DENND1A: variants seen among roughly 807,000 people sequenced by gnomAD.
DENND1A encodes the protein DENN domain-containing protein 1A.
A neutral mutation model predicts 113.7 loss-of-function variants in DENND1A; 51 were observed. The observed-to-expected ratio is 0.45, with a 90% CI of 0.36 to 0.57. The LOEUF is 0.57. Among genes scored for constraint, DENND1A ranks in the 20% least tolerant of loss-of-function variants. The probability of loss-of-function intolerance (pLI) is 0.00; values close to 1 mark genes in which losing one functional copy is unlikely to be tolerated. For synonymous variants in DENND1A, 565 were observed against 570.8 expected, an observed-to-expected ratio of 0.99 and a Z score of 0.14; for missense variants, 1,258 against 1,395.9, an observed-to-expected ratio of 0.90 and a Z score of 1.57.
intron 13 of DENND1A, among the ~76,000 whole-genome samples, chr9:123,478,286 C>T (rs1234759470): frequency 1.3e-5 from 2 of 152,166 alleles, no homozygotes; most frequent in African/African-American, 2.4e-5. Context: ...AGGCTTTTGG[C>T]GGTTGTTAGG....
chr9:123,776,088 AC>A (rs1257210475), intron 3 of DENND1A, among the ~76,000 whole-genome samples: 1 of 152,094 alleles, frequency 6.6e-6, no homozygotes, highest in African/African-American at 2.4e-5. Flanking sequence ...TTCCCCTGCC[AC>A]CCCACAAAAT....
At chr9:123,551,820 C>A (rs1209724554) in intron 13 of DENND1A, among the ~76,000 whole-genome samples, 1 of 152,150 alleles carries the variant, frequency 6.6e-6, no homozygotes, top group Non-Finnish European at 1.5e-5. Flanking sequence ...GCCTCCCCAA[C>A]AAACCCGCAG....
chr9:123,495,572 C>G (rs1242753119), intron 13 of DENND1A, among the ~76,000 whole-genome samples: 1 of 152,150 alleles, frequency 6.6e-6, no homozygotes, highest in Non-Finnish European at 1.5e-5. Flanking sequence ...GGTCACAGCC[C>G]ATGATACTTC....
At chr9:123,867,247 G>GT (rs1298390153) in intron 2 of DENND1A, among the ~76,000 whole-genome samples, 4 of 151,898 alleles carry the variant, frequency 2.6e-5, no homozygotes, top group Non-Finnish European at 5.9e-5. Flanking sequence ...CTTCCTAAAG[G>GT]TTTTTTTAAA....
At chr9:123,597,265 AT>A in intron 11 of DENND1A, among the ~76,000 whole-genome samples, 1 of 152,360 alleles carries the variant, frequency 6.6e-6, no homozygotes, top group Non-Finnish European at 1.5e-5. Context: ...CCCCATAAAC[AT>A]GGCTTAGTGA....
chr9:123,905,055 A>G (rs1295511991), intron 1 of DENND1A, among the ~76,000 whole-genome samples: 2 of 152,086 alleles, frequency 1.3e-5, no homozygotes, highest in African/African-American at 2.4e-5. Flanking sequence ...CCAATATTCA[A>G]CATTCTTAAA....
intron 13 of DENND1A, among the ~76,000 whole-genome samples, chr9:123,532,050 G>T (rs2055365127): frequency 6.6e-6 from 1 of 152,182 alleles, no homozygotes; most frequent in Non-Finnish European, 1.5e-5. Context: ...TCTTGGCTAA[G>T]CTGGGGGCAA....
intron 7 of DENND1A, among the ~76,000 whole-genome samples, chr9:123,670,173 A>G (rs1428506525): frequency 6.6e-6 from 1 of 152,220 alleles, no homozygotes; most frequent in East Asian, 1.9e-4. Flanking sequence ...ATCATTTTGA[A>G]AAAACCTACA....
At chr9:123,674,741 T>C (rs1294792413) in intron 6 of DENND1A, among the ~76,000 whole-genome samples, 1 of 152,054 alleles carries the variant, frequency 6.6e-6, no homozygotes, top group Non-Finnish European at 1.5e-5. Flanking sequence ...AATAATCCAA[T>C]CTCCCATATG....
chr9:123,410,957 C>G (rs143155323), intron 20 of DENND1A, among the ~76,000 whole-genome samples: 1 of 152,128 alleles, frequency 6.6e-6, no homozygotes, highest in African/African-American at 2.4e-5. Flanking sequence ...CCAAGGAAAA[C>G]GACTCCACTG....
chr9:123,469,635 C>G (rs549265472), intron 13 of DENND1A, among the ~76,000 whole-genome samples: 1 of 152,176 alleles, frequency 6.6e-6, no homozygotes, highest in Non-Finnish European at 1.5e-5. Context: ...TGCATACTAG[C>G]GTAAGATTTT....
chr9:123,835,807 T>A (rs2132865670), intron 2 of DENND1A, among the ~76,000 whole-genome samples: 1 of 152,312 alleles, frequency 6.6e-6, no homozygotes, highest in African/African-American at 2.4e-5. Context: ...ACATTCTGAC[T>A]TCTGTTAGGT....
At position 123,462,525 on chromosome 9, in the gene DENND1A, G is replaced by A. The variant is rs147348181; in HGVS notation, c.994-4628C>T. On this transcript the variant is annotated intron_variant, in intron 13 of 23. Coordinates refer to ENST00000394215, the MANE Select transcript of DENND1A (RefSeq NM_001352964.2). ...TAAAATTGGAACCCTGGCCAGGCAC[G>A]GTGGCTCACGTCTGTAATCTCAGCA... is the stretch of plus-strand genomic sequence containing the variant. 1.3e-3 allele frequency among the ~76,000 whole-genome samples: 204 copies of A among 152,280 alleles called. 1 individual carries two copies. Among genetic ancestry groups the A allele is most frequent in the African/African-American group, 4.2e-3 (176 of 41,548 alleles).
At chr9:123,538,219 A>G (rs554509387) in intron 13 of DENND1A, among the ~76,000 whole-genome samples, 2 of 152,322 alleles carry the variant, frequency 1.3e-5, no homozygotes, top group East Asian at 3.9e-4. Context: ...GAATTTTCAT[A>G]TGGGAGAGAG....
At chr9:123,855,967 G>T (rs922100147) in intron 2 of DENND1A, among the ~76,000 whole-genome samples, 1 of 152,140 alleles carries the variant, frequency 6.6e-6, no homozygotes, top group Non-Finnish European at 1.5e-5. Flanking sequence ...AACCCGGGAG[G>T]CGGAGGTTGC....
chr9:123,598,152 A>G (rs1416348595), intron 11 of DENND1A, among the ~76,000 whole-genome samples: 1 of 152,174 alleles, frequency 6.6e-6, no homozygotes, highest in Non-Finnish European at 1.5e-5. Flanking sequence ...TGACACTGCC[A>G]AACCTTGATG....
chr9:123,390,363 C>G (rs1169292998), intron 21 of DENND1A, among the ~76,000 whole-genome samples: 2 of 152,358 alleles, frequency 1.3e-5, no homozygotes, highest in Non-Finnish European at 2.9e-5. Context: ...AGTGCTCCCC[C>G]TCTGGGCTCC....
chr9:123,582,048 T>C (rs183558405), intron 12 of DENND1A, among the ~76,000 whole-genome samples: 10 of 152,332 alleles, frequency 6.6e-5, no homozygotes, highest in East Asian at 3.9e-4. Context: ...TTTTGCTCAA[T>C]AGAACCCACA....
chr9:123,857,282 A>C (rs1439195681), intron 2 of DENND1A, among the ~76,000 whole-genome samples: 2 of 152,356 alleles, frequency 1.3e-5, no homozygotes, highest in South Asian at 4.1e-4. Context: ...GAGCCCTTCA[A>C]GTTGGCTCCT....
Sources: gnomAD v4.1 joint callset for allele counts (sites outside exome capture counted in the v4.1 genomes callset) on GRCh38, gnomAD v4.1.1 for gene constraint, MANE v1.5 for transcripts, NCBI Gene and HGNC (gene_info 2026-07-23, HGNC 2026-07-21) for gene names.